Variants in ADGB observed in about 807,000 individuals in gnomAD.
ADGB encodes androglobin, also known as calpain-7-like protein.
A neutral mutation model predicts 210.5 loss-of-function variants in ADGB; 172 were observed. That is an observed-to-expected ratio of 0.82 (90% CI 0.72 to 0.93). The LOEUF (loss-of-function observed/expected upper bound fraction) is 0.93. Ranked by LOEUF, ADGB falls within the 40% of genes least tolerant of loss-of-function variation. The probability of loss-of-function intolerance (pLI) is 0.00; values close to 1 mark genes in which losing one functional copy is unlikely to be tolerated. For missense variants in ADGB, 2,025 were observed against 1,964.8 expected (o/e 1.03, Z -0.58); for synonymous variants, 658 against 662.7 (o/e 0.99, Z 0.11).
chr6:146,782,318 A>G, intron 30 of ADGB, 126 bp downstream of exon 30: 5 of 975,612 alleles, frequency 5.1e-6, no homozygotes, highest in Non-Finnish European at 7.3e-6. Context: ...GAAACCATCT[A>G]GATACTTTGA....
chr6:146,739,740 C>T (rs1777136224), intron 23 of ADGB, among the ~76,000 whole-genome samples: 3 of 152,142 alleles, frequency 2.0e-5, no homozygotes, highest in Admixed American at 1.3e-4. Context: ...CCAGCTAATA[C>T]CTGAGACATC....
At chr6:146,627,374 G>T (rs1211604979) in intron 1 of ADGB, among the ~76,000 whole-genome samples, 2 of 151,998 alleles carry the variant, frequency 1.3e-5, no homozygotes, top group African/African-American at 2.4e-5. Context: ...CTGGATGCTG[G>T]ATATTTTTGT....
chr6:146,758,339 C>T (rs1224410431), intron 27 of ADGB, among the ~76,000 whole-genome samples: 3 of 152,020 alleles, frequency 2.0e-5, no homozygotes, highest in Non-Finnish European at 2.9e-5. Flanking sequence ...TTAGTGGGCA[C>T]TTTTGTGCAG....
chr6:146,656,748 A>T, intron 4 of ADGB, 23 bp from the exon 5 acceptor site: 1 of 1,471,972 alleles, frequency 6.8e-7, no homozygotes, highest in Non-Finnish European at 9.1e-7. Flanking sequence ...TAACCAATTA[A>T]CCCTAATGTT....
At chr6:146,719,433 C>T (rs1304208390) in intron 16 of ADGB, among the ~76,000 whole-genome samples, 1 of 132,576 alleles carries the variant, frequency 7.5e-6, no homozygotes, top group Non-Finnish European at 1.7e-5. Context: ...TTTTATTTCC[C>T]TGAATTTTTT....
In ADGB at chr6:146,618,235, G is replaced by T. The variant is rs149299083; in HGVS notation, c.75-17140G>T. 1.5e-3 allele frequency among the ~76,000 whole-genome samples: 223 copies of T among 150,338 alleles called. 4 individuals carry two copies. The highest frequency in any genetic ancestry group is 5.2e-3 in the African/African-American group (213 of 41,110). On this transcript the variant is annotated intron_variant, in intron 1 of 35. Transcript: ENST00000397944. ...TTGTAGTTATAATGTTTCCTTTGTTGTCTCAGATTTTATTTATTTGAGTCT... is the reference window on the plus strand; with the variant it reads ...TTGTAGTTATAATGTTTCCTTTGTTTTCTCAGATTTTATTTATTTGAGTCT...
chr6:146,700,916 G>T (rs2114544304), intron 12 of ADGB, 25 bp from the exon 13 acceptor site: 1 of 1,538,024 alleles, frequency 6.5e-7, no homozygotes, highest in African/African-American at 1.4e-5. Flanking sequence ...AATAACAGAA[G>T]TTTGGGGTTT....
In ADGB at chr6:146,733,985, T is replaced by C; in HGVS notation, c.2749T>C (p.Trp917Arg). ...AGCAGCAATTAAAATTCAAGCCATGTGGAGAGGAACTTACGTTAGATTGCT... is the reference window on the plus strand; with the variant it reads ...AGCAGCAATTAAAATTCAAGCCATGCGGAGAGGAACTTACGTTAGATTGCT... The part of the protein sequence containing the change: ...VAAAIKIQAM[W>R]RGTYVRLLMK... Residue 917 changes from tryptophan (W) to arginine (R), a missense_variant, in exon 22 of 36, where the codon TGG becomes CGG. By Grantham distance (101) the Trp-to-Arg change is moderately radical. Coordinates refer to ENST00000397944, the MANE Select transcript of ADGB (RefSeq NM_024694.4). 1 of 1,551,614 alleles carries C rather than the reference T, an allele frequency of 6.4e-7. No individual in the cohort carries two copies. Among genetic ancestry groups the C allele is most frequent in the Non-Finnish European group, 8.7e-7 (1 of 1,146,934 alleles).
At chr6:146,782,782 T>A (rs1051558642) in intron 30 of ADGB, among the ~76,000 whole-genome samples, 5 of 152,046 alleles carry the variant, frequency 3.3e-5, no homozygotes, top group East Asian at 3.9e-4. Context: ...CAGGGCCAGT[T>A]AGAAAATTGC....
intron 19 of ADGB, 49 bp downstream of exon 19, chr6:146,726,246 G>A: frequency 7.5e-7 from 1 of 1,329,782 alleles, no homozygotes. Flanking sequence ...TTTAGAGATG[G>A]AGTCTCGCAC....
rs539104956 is a variant in ADGB, at chr6:146,782,945, G to T, written c.4035+753G>T. 3.3e-5 allele frequency among the ~76,000 whole-genome samples: 5 copies of T among 152,274 alleles called. 1 individual carries two copies. The South Asian group carries it at 1.0e-3, about 32-fold the overall frequency. ...CACCATTTATGCCTAGGTTAAGCAG[G>T]ACTGGAACTAGGGGTATTTAAGAAG... On this transcript the variant is annotated intron_variant, in intron 30 of 35. Coordinates refer to ENST00000397944, the MANE Select transcript of ADGB (RefSeq NM_024694.4).
At position 146,652,105 on chromosome 6, in the gene ADGB, G is replaced by A. The variant is rs115127019; in HGVS notation, c.331-2030G>A. On this transcript the variant is annotated intron_variant, in intron 3 of 35. Transcript: ENST00000397944. ...GATGTCTGAAGATTTATCCTGTCCCGGGTACAGGTATAGGCAGTAAAAGTG... is the reference window on the plus strand; with the variant it reads ...GATGTCTGAAGATTTATCCTGTCCCAGGTACAGGTATAGGCAGTAAAAGTG... Among the ~76,000 whole-genome samples the A allele has an allele frequency of 4.4e-3, 664 of 152,170 alleles. 4 individuals are homozygous for A. The highest frequency in any genetic ancestry group is 0.015 in the African/African-American group (605 of 41,514).
At chr6:146,701,146 A>G (rs1776484178) in intron 13 of ADGB, 76 bp downstream of exon 13, 9 of 1,436,104 alleles carry the variant, frequency 6.3e-6, no homozygotes, top group South Asian at 5.1e-5. Context: ...GAAACATACT[A>G]TACATACAAA....
At chr6:146,635,635 A>G in intron 2 of ADGB, 98 bp downstream of exon 2, 2 of 1,255,734 alleles carry the variant, frequency 1.6e-6, no homozygotes, top group African/African-American at 3.1e-5. Flanking sequence ...CTTCTCCATA[A>G]TGTGCATTCA....
chr6:146,752,495 T>C (rs1777337620), intron 26 of ADGB, 35 bp from the exon 27 acceptor site: 1 of 1,493,436 alleles, frequency 6.7e-7, no homozygotes, highest in Non-Finnish European at 9.0e-7. Flanking sequence ...AAGACCAACA[T>C]ACTTGCTTAT....
intron 29 of ADGB, among the ~76,000 whole-genome samples, chr6:146,777,426 G>A (rs1777736276): frequency 6.6e-6 from 1 of 152,006 alleles, no homozygotes; most frequent in Non-Finnish European, 1.5e-5. Context: ...GGTTAAAAAA[G>A]CATAAAGCTC....
intron 28 of ADGB, 92 bp downstream of exon 28, chr6:146,764,192 G>A (rs1777542083): frequency 3.6e-6 from 4 of 1,119,632 alleles, no homozygotes; most frequent in Middle Eastern, 2.6e-4. Context: ...AATATACAGT[G>A]TGCAGTGCTG....
chr6:146,750,344 GC>G, intron 26 of ADGB, among the ~76,000 whole-genome samples: 1 of 152,176 alleles, frequency 6.6e-6, no homozygotes, highest in East Asian at 1.9e-4. Context: ...GATTGCTTGA[GC>G]CCAGGAGTTT....
At chr6:146,671,261 G>GC (rs1776004140) in intron 7 of ADGB, among the ~76,000 whole-genome samples, 1 of 152,176 alleles carries the variant, frequency 6.6e-6, no homozygotes, top group African/African-American at 2.4e-5. Context: ...ACAGCAAATG[G>GC]CAGGAGTGGA....
Sources: allele counts gnomAD v4.1 joint callset (sites outside exome capture counted in the v4.1 genomes callset), GRCh38; gene constraint gnomAD v4.1.1; transcripts MANE v1.5; gene names NCBI Gene and HGNC (gene_info 2026-07-23, HGNC 2026-07-21).